The following REELD1 variants were observed in gnomAD, a reference collection of about 807,000 sequenced individuals.
The protein encoded by REELD1 is reeler domain containing 1, also known as reelin domain-containing protein 1.
A neutral mutation model predicts 6.3 loss-of-function variants in REELD1; 12 were observed. The ratio of observed to expected loss-of-function variants is 1.89; its 90% CI spans 1.21 to 3.07. The LOEUF (loss-of-function observed/expected upper bound fraction) is 3.07. REELD1 is among the 30% of genes most tolerant of loss of function. The probability of loss-of-function intolerance (pLI) is 0.00; values close to 1 mark genes in which losing one functional copy is unlikely to be tolerated. For missense variants in REELD1, 163 were observed against 86.8 expected (o/e 1.88, Z -3.49); for synonymous variants, 57 against 33.6 (o/e 1.70, Z -2.42).
chr4:146,229,212 C>A, intron 7 of REELD1, 124 bp downstream of exon 7: 1 of 625,326 alleles, frequency 1.6e-6, no homozygotes, highest in East Asian at 2.8e-5. Flanking sequence ...AGGCAAAGTA[C>A]AATATACACA....
rs1027541644 is a variant in REELD1 at position 146,231,619 on chromosome 4, T to A, written c.*1106T>A. On this transcript the variant is annotated 3_prime_UTR_variant, in exon 8 of 8. Transcript: ENST00000623665. ...ATGCAGAAACAAAAATCACTACAAA[T>A]TCGGAAAGGATATTTGTTTATTGAA... Among the ~76,000 whole-genome samples the A allele has an allele frequency of 6.6e-6, 1 of 152,134 alleles. No homozygotes were observed. The highest frequency in any genetic ancestry group is 2.4e-5 in the African/African-American group (1 of 41,410).
In REELD1 at chr4:146,231,497, C is replaced by A. The variant is rs1731130132; in HGVS notation, c.*984C>A. ...CAGATACTATCTGAGGTCAAAACAA[C>A]AGATCTGAATATAACTCTTAAATAT... is the stretch of plus-strand genomic sequence containing the variant. On this transcript the variant is annotated 3_prime_UTR_variant, in exon 8 of 8. Transcript: ENST00000623665. 6.6e-6 allele frequency among the ~76,000 whole-genome samples: 1 copy of A among 152,150 alleles called. No individual in the cohort carries two copies. The highest frequency in any genetic ancestry group is 6.5e-5 in the Admixed American group (1 of 15,280).
At chr4:146,226,661 CCTCTTTACA>C (rs1228317555) in intron 5 of REELD1, among the ~76,000 whole-genome samples, 3 of 152,210 alleles carry the variant, frequency 2.0e-5, no homozygotes, top group Non-Finnish European at 4.4e-5. Context: ...AAAAACCCCA[CCTCTTTACA>C]CTATTGCATT....
intron 5 of REELD1, among the ~76,000 whole-genome samples, chr4:146,224,833 GC>G (rs1425432614): frequency 1.3e-5 from 2 of 152,236 alleles, no homozygotes; most frequent in East Asian, 3.9e-4. Flanking sequence ...ACTTTGTCTG[GC>G]TCAACCTAAC....
intron 2 of REELD1, among the ~76,000 whole-genome samples, chr4:146,215,943 G>A (rs1054921111): frequency 2.0e-5 from 3 of 151,976 alleles, no homozygotes; most frequent in African/African-American, 7.3e-5. Flanking sequence ...TAAAGACAGG[G>A]TTTCACCGTA....
intron 1 of REELD1, among the ~76,000 whole-genome samples, 160 bp from the exon 2 acceptor site, chr4:146,214,916 A>T (rs1034588213): frequency 1.4e-5 from 2 of 147,982 alleles, no homozygotes; most frequent in Admixed American, 6.7e-5. Context: ...AACCTAAGGC[A>T]GGAGGGTGGG....
In REELD1 at chr4:146,231,704, C is replaced by T. The variant is rs893950239; in HGVS notation, c.*1191C>T. Among the ~76,000 whole-genome samples the T allele has an allele frequency of 6.6e-6, 1 of 152,208 alleles. No homozygotes were observed. Among genetic ancestry groups the T allele is most frequent in the Non-Finnish European group, 1.5e-5 (1 of 68,042 alleles). ...TGCGTATATCTTCACATTTAACTCTCACAAAAATTTAATGAGGAATAAGTT... is the reference window on the plus strand; with the variant it reads ...TGCGTATATCTTCACATTTAACTCTTACAAAAATTTAATGAGGAATAAGTT... On this transcript the variant is annotated 3_prime_UTR_variant, in exon 8 of 8. Transcript: ENST00000623665.
intron 3 of REELD1, 143 bp downstream of exon 3, chr4:146,217,303 T>A (rs568135845): frequency 5.0e-6 from 2 of 396,240 alleles, no homozygotes; most frequent in East Asian, 7.1e-5. Flanking sequence ...AGATGGAGTC[T>A]CACTGTGTTG....
chr4:146,228,400 A>G lies in REELD1; in HGVS notation c.786A>G (p.Gln262=), dbSNP rs1373792916. 5.7e-6 allele frequency: 4 copies of G among 702,532 alleles called. No homozygotes were observed. Among genetic ancestry groups the G allele is most frequent in the Non-Finnish European group, 1.0e-5 (4 of 385,002 alleles). 43.5% of individuals were successfully genotyped at this position (702,532 alleles called of 1,614,324 possible). The stretch of plus-strand genomic sequence containing the variant: ...CCACTGAAGGCAGCATCAACCAGCA[A>G]CCCAGCGGGGACAGCAATCCCACCC... ...HTATEGSINQ[Q]PSGDSNPTLE... Residue 262 remains glutamine, a synonymous_variant, in exon 6 of 8, where the codon CAA becomes CAG. Coordinates refer to ENST00000623665, the MANE Select transcript of REELD1 (RefSeq NM_001354631.1).
chr4:146,224,417 A>T (rs750857671), intron 4 of REELD1, 28 bp from the exon 5 acceptor site: 2 of 566,638 alleles, frequency 3.5e-6, no homozygotes, highest in African/African-American at 3.8e-5. Context: ...TAAATCCGTG[A>T]ACTGCTCTGC....
At chr4:146,216,346 A>G (rs1189275821) in intron 2 of REELD1, among the ~76,000 whole-genome samples, 2 of 152,238 alleles carry the variant, frequency 1.3e-5, no homozygotes, top group African/African-American at 4.8e-5. Context: ...TCTTTACTAA[A>G]AGTAGTGAAA....
intron 3 of REELD1, among the ~76,000 whole-genome samples, chr4:146,221,408 G>A (rs1245638137): frequency 6.6e-6 from 1 of 152,168 alleles, no homozygotes; most frequent in Non-Finnish European, 1.5e-5. Flanking sequence ...ATGTTGTCAG[G>A]TTACACCACA....
chr4:146,217,022 T>A lies in REELD1; in HGVS notation c.70T>A (p.Phe24Ile), dbSNP rs1730838386. Residue 24 changes from phenylalanine to isoleucine, a missense_variant, in exon 3 of 8, where the codon TTT becomes ATT. Physicochemically the swap from Phe to Ile is conservative, Grantham distance 21. Transcript: ENST00000623665. Reference sequence around the variant, plus strand: ...CTGCCTGGCTTCCTGCTCATCTGCCTTTTCCCATGGTGCCAGCACGGTGGC... The same window carrying A: ...CTGCCTGGCTTCCTGCTCATCTGCCATTTCCCATGGTGCCAGCACGGTGGC... The part of the protein sequence containing the change: ...TLCLASCSSA[F>I]SHGASTVACD... 1 of 398,872 alleles carries A rather than the reference T, an allele frequency of 2.5e-6. No individual in the cohort carries two copies. The highest frequency in any genetic ancestry group is 4.4e-6 in the Non-Finnish European group (1 of 226,250). The allele number at this position is 398,872 out of a possible 1,614,324, so 24.7% of individuals were successfully genotyped here.
At chr4:146,225,216 A>G (rs1021105070) in intron 5 of REELD1, among the ~76,000 whole-genome samples, 4 of 152,186 alleles carry the variant, frequency 2.6e-5, no homozygotes, top group Non-Finnish European at 5.9e-5. Flanking sequence ...AAGGAAAACC[A>G]CTAGCCAGCT....
intron 3 of REELD1, among the ~76,000 whole-genome samples, chr4:146,219,796 C>T (rs1207321142): frequency 6.6e-6 from 1 of 152,172 alleles, no homozygotes; most frequent in African/African-American, 2.4e-5. Context: ...CAGAAGTTTT[C>T]CATGCATTTA....
chr4:146,228,160 C>T (rs568565050), intron 5 of REELD1, 50 bp from the exon 6 acceptor site: 54 of 670,838 alleles, frequency 8.0e-5, no homozygotes, highest in South Asian at 6.4e-4. Flanking sequence ...ACAATCGATG[C>T]GGGGAAAATG....
intron 5 of REELD1, among the ~76,000 whole-genome samples, chr4:146,225,300 C>T (rs1021071905): frequency 6.6e-6 from 1 of 152,200 alleles, no homozygotes; most frequent in Non-Finnish European, 1.5e-5. Flanking sequence ...TAGTTAAGTG[C>T]TATGAACACA....
intron 3 of REELD1, 93 bp downstream of exon 3, chr4:146,217,253 G>C (rs1730843661): frequency 1.0e-5 from 4 of 398,092 alleles, no homozygotes; most frequent in Non-Finnish European, 1.8e-5. Flanking sequence ...AAGCTTCCTG[G>C]ACTAAATTTG....
At chr4:146,227,765 C>T (rs1477932319) in intron 5 of REELD1, among the ~76,000 whole-genome samples, 17 of 152,190 alleles carry the variant, frequency 1.1e-4, no homozygotes, top group Admixed American at 1.1e-3. Flanking sequence ...CGTCTCTTCT[C>T]ATAGCAGATG....
Sources: gnomAD v4.1 joint callset for allele counts (sites outside exome capture counted in the v4.1 genomes callset) on GRCh38, gnomAD v4.1.1 for gene constraint, MANE v1.5 for transcripts, NCBI Gene and HGNC (gene_info 2026-07-23, HGNC 2026-07-21) for gene names.